SLC16A12: variants seen among roughly 807,000 people sequenced by gnomAD.
The protein encoded by SLC16A12 is monocarboxylate transporter 12.
SLC16A12 carries 17 observed loss-of-function variants against 42.4 expected under a neutral mutation model. That is an observed-to-expected ratio of 0.40 (90% CI 0.27 to 0.60). The LOEUF (loss-of-function observed/expected upper bound fraction) is 0.60. SLC16A12 is among the 20% of genes least tolerant of loss of function. The pLI, the probability that SLC16A12 is intolerant of heterozygous loss-of-function variation, is 0.42. For synonymous variants in SLC16A12, 224 were observed against 229.4 expected (o/e 0.98, Z 0.21); for missense variants, 544 against 623.0 (o/e 0.87, Z 1.35).
intron 2 of SLC16A12, among the ~76,000 whole-genome samples, chr10:89,508,635 A>T (rs1843109567): frequency 6.6e-6 from 1 of 152,244 alleles, no homozygotes; most frequent in Non-Finnish European, 1.5e-5. Flanking sequence ...GGAAAGATCT[A>T]AAATCGACAC....
chr10:89,503,758 G>T (rs545954002), intron 2 of SLC16A12, among the ~76,000 whole-genome samples: 3 of 152,296 alleles, frequency 2.0e-5, no homozygotes, highest in African/African-American at 7.2e-5. Flanking sequence ...GTCCGCAATT[G>T]TTCCCATACA....
chr10:89,548,533 G>A (rs948138719), intron 2 of SLC16A12, among the ~76,000 whole-genome samples: 6 of 152,096 alleles, frequency 3.9e-5, no homozygotes, highest in Non-Finnish European at 8.8e-5. Flanking sequence ...AAACGCAGTC[G>A]CGACTGGGCA....
intron 2 of SLC16A12, among the ~76,000 whole-genome samples, chr10:89,555,363 C>A (rs368258555): frequency 6.6e-5 from 10 of 151,286 alleles, no homozygotes; most frequent in South Asian, 2.1e-4. Context: ...GCTTAAATTG[C>A]ATTGGTTTAA....
At chr10:89,525,096 C>CT (rs1843427229) in intron 2 of SLC16A12, among the ~76,000 whole-genome samples, 1 of 152,160 alleles carries the variant, frequency 6.6e-6, no homozygotes, top group Non-Finnish European at 1.5e-5. Context: ...CGCCGTGCGC[C>CT]TGTAGTCCCA....
intron 2 of SLC16A12, among the ~76,000 whole-genome samples, chr10:89,503,254 C>T (rs1014238223): frequency 2.6e-5 from 4 of 152,092 alleles, no homozygotes; most frequent in African/African-American, 9.7e-5. Flanking sequence ...AGTGGTGGGT[C>T]CTTAATTAGC....
Position 89,433,097 on chromosome 10 carries a change from C to G in SLC16A12, c.1518G>C (p.Val506=). 6.2e-7 allele frequency: 1 copy of G among 1,614,154 alleles called. No individual in the cohort carries two copies. Among genetic ancestry groups the G allele is most frequent in the Non-Finnish European group, 8.5e-7 (1 of 1,180,014 alleles). The change falls in exon 8 of 8, where the codon GTG becomes GTC. Residue 506 remains valine (V), a synonymous_variant. Coordinates refer to ENST00000371790, the MANE Select transcript of SLC16A12 (RefSeq NM_213606.4). The stretch of plus-strand genomic sequence containing the variant: ...GGCTGTAGCCAGGCACTGCTGTAGC[C>G]ACAGGCTCCCCATGTTTCTGATCTA... ...RELDQKHGEP[V]ATAVPGYSLT
rs573172213 is a variant in SLC16A12 at position 89,546,738 on chromosome 10, G to A, written c.-47+9144C>T. ...ACTATAAAGACACATGCACACATAT[G>A]TTTATTGCAGCACTATTTACAATAG... On this transcript the variant is annotated intron_variant, in intron 2 of 2. Coordinates refer to the SLC16A12 transcript ENST00000475682. 4.6e-5 allele frequency among the ~76,000 whole-genome samples: 7 copies of A among 152,266 alleles called. No individual in the cohort carries two copies. The East Asian group carries it at 1.2e-3, about 25-fold the overall frequency.
chr10:89,528,369 C>A (rs1431423031), intron 2 of SLC16A12, among the ~76,000 whole-genome samples: 1 of 151,944 alleles, frequency 6.6e-6, no homozygotes, highest in African/African-American at 2.4e-5. Context: ...AGTAAAAGGC[C>A]AAATTATTGT....
At chr10:89,516,198 G>A (rs79074547) in intron 2 of SLC16A12, among the ~76,000 whole-genome samples, 129 of 152,182 alleles carry the variant, frequency 8.5e-4, no homozygotes, top group African/African-American at 2.8e-3. Context: ...ATTTTTTGTT[G>A]AATTTGTTCA....
rs1043741834 is a variant in SLC16A12 at position 89,432,025 on chromosome 10, T to C, written c.*1039A>G. ...CTCCCTCCAATCCTCTTTTGGGTAA[T>C]GATAAAACTAAATGTCTGATCTGCA... On this transcript the variant is annotated 3_prime_UTR_variant, in exon 8 of 8. Coordinates refer to ENST00000371790, the MANE Select transcript of SLC16A12 (RefSeq NM_213606.4). 8 of 152,602 alleles carry C rather than the reference T, an allele frequency of 5.2e-5. No homozygotes were observed. The highest frequency in any genetic ancestry group is 8.8e-5 in the Non-Finnish European group (6 of 68,026). The allele number at this position is 152,602 out of a possible 1,614,324, so 9.5% of individuals were successfully genotyped here.
intron 2 of SLC16A12, among the ~76,000 whole-genome samples, chr10:89,541,088 AT>A (rs545228364): frequency 4.0e-4 from 58 of 145,386 alleles, no homozygotes; most frequent in Middle Eastern, 3.6e-3. Flanking sequence ...CGCCAGGCTA[AT>A]TTTTTTTTTT....
chr10:89,533,184 T>C (rs546498454), intron 2 of SLC16A12, among the ~76,000 whole-genome samples: 78 of 148,908 alleles, frequency 5.2e-4, no homozygotes, highest in African/African-American at 1.8e-3. Context: ...TTTTTTTCCA[T>C]GATTATAAGA....
chr10:89,449,428 G>C (rs1185573871), intron 3 of SLC16A12, among the ~76,000 whole-genome samples: 3 of 152,176 alleles, frequency 2.0e-5, no homozygotes, highest in Non-Finnish European at 2.9e-5. Context: ...AAATGGAACA[G>C]AACAGAGGCC....
intron 2 of SLC16A12, among the ~76,000 whole-genome samples, chr10:89,473,310 T>C (rs1842529508): frequency 6.6e-6 from 1 of 152,200 alleles, no homozygotes. Flanking sequence ...GCACATTATA[T>C]TAGTGGAACG....
chr10:89,545,496 G>A (rs1397518204), intron 2 of SLC16A12, among the ~76,000 whole-genome samples: 2 of 151,948 alleles, frequency 1.3e-5, no homozygotes, highest in African/African-American at 2.4e-5. Context: ...AAATACCTAG[G>A]AATATAGCTA....
chr10:89,439,379 C>T (rs1480416665), intron 5 of SLC16A12, among the ~76,000 whole-genome samples, 196 bp from the exon 6 acceptor site: 1 of 152,182 alleles, frequency 6.6e-6, no homozygotes, highest in Admixed American at 6.5e-5. Flanking sequence ...ATATGACTTT[C>T]TTTTTAGGGA....
chr10:89,448,446 T>A (rs1842038900), intron 3 of SLC16A12, among the ~76,000 whole-genome samples: 1 of 151,978 alleles, frequency 6.6e-6, no homozygotes, highest in Non-Finnish European at 1.5e-5. Flanking sequence ...GCAAGGCTGG[T>A]TCTACATACG....
At chr10:89,482,297 G>A (rs539496339) in intron 2 of SLC16A12, among the ~76,000 whole-genome samples, 29 of 151,520 alleles carry the variant, frequency 1.9e-4, no homozygotes, top group Non-Finnish European at 3.5e-4. Context: ...ACAGACTATG[G>A]TACAAAGTTA....
intron 2 of SLC16A12, among the ~76,000 whole-genome samples, chr10:89,554,099 A>AG (rs1564607193): frequency 6.2e-4 from 9 of 14,430 alleles, no homozygotes; most frequent in African/African-American, 2.6e-3. Context: ...AAAGAAAGAA[A>AG]GAAGGAAGGA....
Sources: allele counts gnomAD v4.1 joint callset (sites outside exome capture counted in the v4.1 genomes callset), GRCh38; gene constraint gnomAD v4.1.1; transcripts MANE v1.5; gene names NCBI Gene and HGNC (gene_info 2026-07-23, HGNC 2026-07-21).